ADGRL3: variants seen among roughly 807,000 people sequenced by gnomAD.
The protein encoded by ADGRL3 is calcium-independent alpha-latrotoxin receptor 3.
ADGRL3 carries 62 observed loss-of-function variants against 153.5 expected under a neutral mutation model. The ratio of observed to expected loss-of-function variants is 0.40; its 90% CI spans 0.33 to 0.50. ADGRL3 has a LOEUF of 0.50. Among genes scored for constraint, ADGRL3 ranks in the 20% least tolerant of loss-of-function variants. The probability of loss-of-function intolerance (pLI) is 0.47; values close to 1 mark genes in which losing one functional copy is unlikely to be tolerated. For synonymous variants in ADGRL3, 710 were observed against 672.5 expected (o/e 1.06, Z -0.86); for missense variants, 1,641 against 1,859.4 (o/e 0.88, Z 2.16).
intron 2 of ADGRL3, among the ~76,000 whole-genome samples, chr4:61,431,460 T>A (rs912786021): frequency 1.2e-4 from 18 of 152,172 alleles, no homozygotes; most frequent in African/African-American, 2.4e-5. Context: ...TTTTAAAGAG[T>A]GATCAGTTCC....
chr4:62,014,602 G>A (rs888454376), intron 21 of ADGRL3, among the ~76,000 whole-genome samples: 2 of 152,122 alleles, frequency 1.3e-5, no homozygotes, highest in South Asian at 2.1e-4. Flanking sequence ...CCCCATAGAT[G>A]GGTGAGAACA....
At chr4:61,524,607 A>G (rs949726043) in intron 4 of ADGRL3, among the ~76,000 whole-genome samples, 1 of 151,976 alleles carries the variant, frequency 6.6e-6, no homozygotes, top group Non-Finnish European at 1.5e-5. Flanking sequence ...TAACTATCTT[A>G]CCCAAGTCCA....
chr4:61,265,865 T>A (rs2149689268), intron 1 of ADGRL3, among the ~76,000 whole-genome samples: 1 of 151,966 alleles, frequency 6.6e-6, no homozygotes, highest in South Asian at 2.1e-4. Context: ...CTTCGAAATT[T>A]GCATTTTGGA....
At chr4:61,933,870 T>A (rs1449190234) in intron 13 of ADGRL3, 1 of 152,224 alleles carries the variant, frequency 6.6e-6, no homozygotes, top group Non-Finnish European at 1.5e-5. Context: ...TAACTGTGCC[T>A]GTGTTGGCTG....
At chr4:61,765,409 TA>T (rs200164187) in intron 8 of ADGRL3, among the ~76,000 whole-genome samples, 2,313 of 152,204 alleles carry the variant, frequency 0.015, 78 homozygotes, top group African/African-American at 0.051. Context: ...GGGAAAGTGG[TA>T]AAAGTATTGT....
chr4:61,211,419 G>A (rs773236775), intron 1 of ADGRL3, among the ~76,000 whole-genome samples: 4 of 152,120 alleles, frequency 2.6e-5, no homozygotes, highest in African/African-American at 4.8e-5. Flanking sequence ...CATCAGCTTC[G>A]TGGAGGCAGT....
chr4:61,576,311 G>A (rs1045610098), intron 4 of ADGRL3, among the ~76,000 whole-genome samples: 1 of 151,834 alleles, frequency 6.6e-6, no homozygotes, highest in East Asian at 1.9e-4. Flanking sequence ...ACGATGTGGG[G>A]CTTTTCCTTG....
intron 2 of ADGRL3, among the ~76,000 whole-genome samples, chr4:61,408,067 C>G (rs7654021): frequency 0.031 from 4,701 of 151,670 alleles, 227 homozygotes; most frequent in East Asian, 0.21. Context: ...TGTGGAGCCA[C>G]GCGAGGGAAG....
rs544141322 is a variant in ADGRL3, at chr4:61,920,055, T to G, written c.2112+7298T>G. ...TGTATTCTCTTCTCTTATTTAATTT[T>G]CTGATCAAAGCCTGGGCCATTATGT... On this transcript the variant is annotated intron_variant, in intron 13 of 26. Coordinates refer to ENST00000683033, the MANE Select transcript of ADGRL3 (RefSeq NM_001387552.1). 5.9e-5 allele frequency among the ~76,000 whole-genome samples: 9 copies of G among 152,300 alleles called. No individual in the cohort carries two copies. In the East Asian group the frequency reaches 1.5e-3, roughly 26 times the overall value.
rs1747393526 is a variant in ADGRL3, at chr4:62,077,072, A to G, written c.*6164A>G. On this transcript the variant is annotated 3_prime_UTR_variant, in exon 27 of 27. Transcript: ENST00000683033. ...TTAATTATTATAGTCAATTCATAAA[A>G]TTCTACATACAGTTGTACATGGTGG... 1 of 151,954 alleles carries G rather than the reference A, an allele frequency of 6.6e-6. No homozygotes were observed. The highest frequency in any genetic ancestry group is 6.6e-5 in the Admixed American group (1 of 15,226). The allele number at this position is 151,954 out of a possible 1,614,324, so 9.4% of individuals were successfully genotyped here.
chr4:61,652,817 C>A (rs111884145), intron 5 of ADGRL3, among the ~76,000 whole-genome samples: 1 of 152,090 alleles, frequency 6.6e-6, no homozygotes, highest in Non-Finnish European at 1.5e-5. Context: ...ATGCTTTAAT[C>A]AACTACTGAG....
chr4:61,269,123 ACT>A (rs1273439253), intron 1 of ADGRL3, among the ~76,000 whole-genome samples: 17 of 151,610 alleles, frequency 1.1e-4, no homozygotes, highest in Admixed American at 1.1e-3. Flanking sequence ...CTGATAAGAG[ACT>A]CTGCAGTAAG....
chr4:61,861,756 A>T (rs1317885955), intron 9 of ADGRL3, among the ~76,000 whole-genome samples: 1 of 152,054 alleles, frequency 6.6e-6, no homozygotes, highest in Non-Finnish European at 1.5e-5. Flanking sequence ...AGCCAAGAAG[A>T]TTTGAAGATT....
chr4:61,287,464 G>A (rs997470230), intron 1 of ADGRL3, among the ~76,000 whole-genome samples: 13 of 151,896 alleles, frequency 8.6e-5, no homozygotes, highest in South Asian at 2.1e-4. Context: ...AAAAGTGTTC[G>A]CAACGAGGGA....
Position 62,010,959 on chromosome 4 carries a change from G to A in ADGRL3, c.3395+12694G>A, listed in dbSNP as rs575600517. The stretch of plus-strand genomic sequence containing the variant: ...TCAAAACCAAGTTCATATCTTTAAT[G>A]ATATTTAGTTTCAACTTGTAAAATT... On this transcript the variant is annotated intron_variant, in intron 21 of 26. Coordinates refer to ENST00000683033, the MANE Select transcript of ADGRL3 (RefSeq NM_001387552.1). 3.9e-5 allele frequency among the ~76,000 whole-genome samples: 6 copies of A among 152,096 alleles called. No individual in the cohort carries two copies. In the East Asian group the frequency reaches 1.2e-3, roughly 29 times the overall value.
intron 1 of ADGRL3, among the ~76,000 whole-genome samples, chr4:61,321,556 A>G (rs1383568053): frequency 6.6e-6 from 1 of 151,336 alleles, no homozygotes; most frequent in African/African-American, 2.4e-5. Flanking sequence ...TTGTGGAAAC[A>G]TGGAGTGTAC....
chr4:62,067,467 C>T (rs999654640), intron 25 of ADGRL3, among the ~76,000 whole-genome samples: 1 of 151,990 alleles, frequency 6.6e-6, no homozygotes, highest in African/African-American at 2.4e-5. Flanking sequence ...CGTTTTTCCC[C>T]TCTCACATTT....
chr4:61,291,997 G>A (rs1264858563), intron 1 of ADGRL3, among the ~76,000 whole-genome samples: 2 of 150,438 alleles, frequency 1.3e-5, no homozygotes, highest in South Asian at 2.1e-4. Context: ...AAAAGTCATG[G>A]CATTTTTAAT....
At chr4:61,999,210 A>G (rs1282916719) in intron 21 of ADGRL3, among the ~76,000 whole-genome samples, 2 of 152,194 alleles carry the variant, frequency 1.3e-5, no homozygotes, top group Admixed American at 6.5e-5. Flanking sequence ...GTCTTTATCT[A>G]TTTAATCATC....
Sources: allele counts gnomAD v4.1 joint callset (sites outside exome capture counted in the v4.1 genomes callset), GRCh38; gene constraint gnomAD v4.1.1; transcripts MANE v1.5; gene names NCBI Gene and HGNC (gene_info 2026-07-23, HGNC 2026-07-21).